The following SGCD variants were observed in gnomAD, a reference collection of about 807,000 sequenced individuals.
SGCD encodes the protein sarcoglycan delta.
Under a neutral mutation model 36.6 loss-of-function variants are expected in SGCD, and 18 were observed. The ratio of observed to expected loss-of-function variants is 0.49; its 90% CI spans 0.34 to 0.73. The LOEUF (loss-of-function observed/expected upper bound fraction) is 0.73, where lower values mean the gene tolerates loss of function less well. Among genes scored for constraint, SGCD ranks in the 30% least tolerant of loss-of-function variants. The pLI is 0.01. For synonymous variants in SGCD, 133 were observed against 130.6 expected (o/e 1.02, Z -0.12); for missense variants, 387 against 346.7 (o/e 1.12, Z -0.92).
intron 2 of SGCD, among the ~76,000 whole-genome samples, chr5:156,333,916 G>A (rs1299477015): frequency 7.0e-6 from 1 of 143,466 alleles, no homozygotes; most frequent in East Asian, 2.2e-4. Context: ...CAGAAACCTA[G>A]AATTTATGGG....
At chr5:156,143,755 A>T (rs182829515) in intron 3 of SGCD, among the ~76,000 whole-genome samples, 2 of 151,522 alleles carry the variant, frequency 1.3e-5, no homozygotes, top group Admixed American at 1.3e-4. Flanking sequence ...TTTAAATTAT[A>T]CTCTAAGTTT....
intron 4 of SGCD, among the ~76,000 whole-genome samples, chr5:156,559,235 G>A (rs952002171): frequency 2.0e-5 from 3 of 152,118 alleles, no homozygotes; most frequent in African/African-American, 7.2e-5. Flanking sequence ...CTCTCAGACT[G>A]GGAGGTTTTC....
At chr5:156,728,955 C>T (rs1755922462) in intron 7 of SGCD, among the ~76,000 whole-genome samples, 1 of 152,132 alleles carries the variant, frequency 6.6e-6, no homozygotes, top group Non-Finnish European at 1.5e-5. Flanking sequence ...GTAATTAATG[C>T]AGTTCAGGAA....
At chr5:156,427,185 T>C (rs1009424012) in intron 3 of SGCD, among the ~76,000 whole-genome samples, 1 of 152,190 alleles carries the variant, frequency 6.6e-6, no homozygotes, top group Non-Finnish European at 1.5e-5. Context: ...GCATAGAATG[T>C]GTTTCCATTT....
intron 3 of SGCD, among the ~76,000 whole-genome samples, chr5:156,369,606 T>A (rs951860899): frequency 2.0e-5 from 3 of 152,220 alleles, no homozygotes; most frequent in Non-Finnish European, 2.9e-5. Context: ...ATAATCCAAG[T>A]CTATTCCACT....
chr5:155,804,367 G>T, the SGCD span, among the ~76,000 whole-genome samples: 1 of 152,154 alleles, frequency 6.6e-6, no homozygotes, highest in Non-Finnish European at 1.5e-5. Flanking sequence ...TGATAGAGGA[G>T]GAACTTGAAC....
At chr5:156,730,492 G>C (rs879863549) in intron 7 of SGCD, among the ~76,000 whole-genome samples, 1 of 151,938 alleles carries the variant, frequency 6.6e-6, no homozygotes, top group Non-Finnish European at 1.5e-5. Flanking sequence ...TCTGTTTTGT[G>C]TTTGTTAGTT....
intron 1 of SGCD, among the ~76,000 whole-genome samples, chr5:156,029,838 A>G (rs1759304694): frequency 6.6e-6 from 1 of 152,050 alleles, no homozygotes; most frequent in Non-Finnish European, 1.5e-5. Context: ...ATTTGTATTG[A>G]CAATATTTCG....
chr5:156,625,423 C>A (rs757517661), intron 6 of SGCD, among the ~76,000 whole-genome samples: 9 of 152,050 alleles, frequency 5.9e-5, no homozygotes, highest in Non-Finnish European at 1.3e-4. Flanking sequence ...GCAGCAGAGA[C>A]CATAAACACG....
At chr5:156,014,908 C>T (rs944185122) in intron 1 of SGCD, among the ~76,000 whole-genome samples, 1 of 152,084 alleles carries the variant, frequency 6.6e-6, no homozygotes, top group African/African-American at 2.4e-5. Context: ...TATGCATTTC[C>T]AGTCAGAATA....
At chr5:156,479,778 TAGAG>T (rs1401594358) in intron 3 of SGCD, among the ~76,000 whole-genome samples, 2 of 152,148 alleles carry the variant, frequency 1.3e-5, no homozygotes, top group African/African-American at 4.8e-5. Context: ...ATTTTGTTCT[TAGAG>T]AGGAGGTAGA....
chr5:155,891,780 A>G (rs1756137046), intron 1 of SGCD, among the ~76,000 whole-genome samples: 2 of 151,980 alleles, frequency 1.3e-5, no homozygotes, highest in South Asian at 2.1e-4. Context: ...AATAGTTACC[A>G]TGGCGGTTAA....
At chr5:155,765,241 G>A in the SGCD span, among the ~76,000 whole-genome samples, 1 of 151,682 alleles carries the variant, frequency 6.6e-6, no homozygotes, top group African/African-American at 2.4e-5. Flanking sequence ...GATTGTGCCA[G>A]TGTACTGCAG....
At chr5:156,640,437 T>TG (rs771647333) in intron 6 of SGCD, among the ~76,000 whole-genome samples, 12,371 of 152,046 alleles carry the variant, frequency 0.081, 655 homozygotes, top group Non-Finnish European at 0.12. Context: ...TATCTGTTAT[T>TG]TTTAAAAATG....
Position 156,582,886 on chromosome 5 carries a change from G to C in SGCD, c.295-6345G>C, listed in dbSNP as rs1760335557. On this transcript the variant is annotated intron_variant, in intron 4 of 8. Coordinates refer to ENST00000337851, the MANE Select transcript of SGCD (RefSeq NM_000337.6). Reference sequence around the variant, plus strand: ...CCACTGATTTTTCACTTCCTGAGAAGCTTCTTTGAATTCTTTGTAACCTTC... The same window carrying C: ...CCACTGATTTTTCACTTCCTGAGAACCTTCTTTGAATTCTTTGTAACCTTC... 2.0e-5 allele frequency among the ~76,000 whole-genome samples: 3 copies of C among 152,134 alleles called. No individual in the cohort carries two copies. The South Asian group carries it at 6.2e-4, about 31-fold the overall frequency.
intron 1 of SGCD, among the ~76,000 whole-genome samples, chr5:156,075,781 G>T (rs142305167): frequency 7.4e-4 from 112 of 152,268 alleles, no homozygotes; most frequent in Non-Finnish European, 1.0e-3. Flanking sequence ...TCTCACAGAG[G>T]CAGAGTTAAT....
At chr5:155,987,435 T>C (rs1485730687) in intron 1 of SGCD, among the ~76,000 whole-genome samples, 1 of 152,196 alleles carries the variant, frequency 6.6e-6, no homozygotes, top group African/African-American at 2.4e-5. Flanking sequence ...GTTATAGAAA[T>C]AGTCTCCTGA....
chr5:156,729,033 G>A (rs576506858), intron 7 of SGCD, among the ~76,000 whole-genome samples: 7 of 152,196 alleles, frequency 4.6e-5, no homozygotes, highest in East Asian at 1.9e-4. Context: ...ATATGTCACC[G>A]TTCAAAAGGT....
At chr5:156,687,335 G>A (rs1011193684) in intron 7 of SGCD, among the ~76,000 whole-genome samples, 1 of 152,156 alleles carries the variant, frequency 6.6e-6, no homozygotes, top group Non-Finnish European at 1.5e-5. Flanking sequence ...GAATTAAAAA[G>A]ACACATTCAA....
Sources: allele counts gnomAD v4.1 joint callset (sites outside exome capture counted in the v4.1 genomes callset), GRCh38; gene constraint gnomAD v4.1.1; transcripts MANE v1.5; gene names NCBI Gene and HGNC (gene_info 2026-07-23, HGNC 2026-07-21).